RUFY4: variants seen among roughly 807,000 people sequenced by gnomAD.
RUFY4 encodes the protein RUN and FYVE domain containing 4, also known as RUN and FYVE domain-containing protein 4.
RUFY4 carries 73 observed loss-of-function variants against 69.0 expected under a neutral mutation model. The ratio of observed to expected loss-of-function variants is 1.06; its 90% confidence interval spans 0.88 to 1.29. The LOEUF (loss-of-function observed/expected upper bound fraction) is 1.29, where lower values mean the gene tolerates loss of function less well. Among genes scored for constraint, RUFY4 ranks in the 50% most tolerant of loss-of-function variants. The probability of loss-of-function intolerance (pLI) is 0.00; values close to 1 mark genes in which losing one functional copy is unlikely to be tolerated. For missense variants in RUFY4, 770 were observed against 705.6 expected, an observed-to-expected ratio of 1.09 and a Z score of -1.03; for synonymous variants, 287 against 271.8, an observed-to-expected ratio of 1.06 and a Z score of -0.55.
chr2:218,061,100 G>A (rs1574501610), intron 3 of RUFY4: 1 of 554,346 alleles, frequency 1.8e-6, no homozygotes, highest in East Asian at 4.3e-5. Context: ...ATTCATCTTG[G>A]AGGCAGCCAA....
chr2:218,077,669 G>A (rs1436142755), intron 8 of RUFY4, among the ~76,000 whole-genome samples: 1 of 152,180 alleles, frequency 6.6e-6, no homozygotes, highest in African/African-American at 2.4e-5. Flanking sequence ...ACAGACACCA[G>A]TCGGACCCCA....
intron 8 of RUFY4, among the ~76,000 whole-genome samples, chr2:218,077,085 G>A (rs1000120793): frequency 6.6e-6 from 1 of 152,210 alleles, no homozygotes; most frequent in African/African-American, 2.4e-5. Context: ...TTTTATAGAG[G>A]AGGAAGCTGA....
chr2:218,066,154 T>C (rs1394450339), upstream of RUFY4, among the ~76,000 whole-genome samples: 1 of 150,344 alleles, frequency 6.7e-6, no homozygotes, highest in Non-Finnish European at 1.5e-5. Context: ...GATAACAATA[T>C]AGCAACTGTC....
intron 2 of RUFY4, among the ~76,000 whole-genome samples, chr2:218,071,207 C>T (rs1689477794): frequency 6.6e-6 from 1 of 152,200 alleles, no homozygotes; most frequent in South Asian, 2.1e-4. Flanking sequence ...TGAATACTTG[C>T]TATGTGTCAG....
At chr2:218,088,690 G>A (rs759651114) in intron 9 of RUFY4, among the ~76,000 whole-genome samples, 1 of 152,154 alleles carries the variant, frequency 6.6e-6, no homozygotes, top group Non-Finnish European at 1.5e-5. Context: ...TTTGGGCAAA[G>A]AGGAGGCCAG....
At chr2:218,075,238 T>C (rs998848930) in exon 7 of RUFY4, 2 of 1,568,870 alleles carry the variant, frequency 1.3e-6, no homozygotes, top group Admixed American at 1.9e-5. Flanking sequence ...CCTTTCTTTT[T>C]GGAAAAGAAG....
chr2:218,049,959 C>T (rs754834059), intron 2 of RUFY4, among the ~76,000 whole-genome samples: 3 of 152,166 alleles, frequency 2.0e-5, no homozygotes, highest in Non-Finnish European at 4.4e-5. Flanking sequence ...TGAAACCTGA[C>T]CTTCAAATCA....
At chr2:218,061,096 C>A (rs1689177352) in intron 3 of RUFY4, 1 of 562,086 alleles carries the variant, frequency 1.8e-6, no homozygotes, top group Non-Finnish European at 3.5e-6. Flanking sequence ...AGCCATTCAT[C>A]TTGGAGGCAG....
At chr2:218,054,580 G>T (rs1023346367) in intron 2 of RUFY4, among the ~76,000 whole-genome samples, 48 of 150,176 alleles carry the variant, frequency 3.2e-4, no homozygotes, top group African/African-American at 1.2e-3. Context: ...AAAGATCAGT[G>T]GACTAAATAA....
intron 9 of RUFY4, among the ~76,000 whole-genome samples, chr2:218,083,509 G>C (rs939966236): frequency 1.3e-5 from 2 of 152,118 alleles, no homozygotes; most frequent in Non-Finnish European, 2.9e-5. Flanking sequence ...CAGTACTTTA[G>C]AAGGCCAAGG....
At chr2:218,057,133 CTA>C (rs1309347400) in intron 2 of RUFY4, among the ~76,000 whole-genome samples, 1 of 151,720 alleles carries the variant, frequency 6.6e-6, no homozygotes, top group African/African-American at 2.4e-5. Context: ...GCTGTCCTAT[CTA>C]TCAGAGCTTG....
intron 2 of RUFY4, among the ~76,000 whole-genome samples, chr2:218,038,863 CA>C (rs1280535010): frequency 6.6e-6 from 1 of 152,104 alleles, no homozygotes; most frequent in African/African-American, 2.4e-5. Flanking sequence ...GGGTGCCAAG[CA>C]GTGTCTTTCT....
intron 2 of RUFY4, among the ~76,000 whole-genome samples, chr2:218,041,387 C>G (rs974216800): frequency 6.6e-6 from 1 of 152,162 alleles, no homozygotes; most frequent in African/African-American, 2.4e-5. Context: ...AAATTGACAT[C>G]TTAACAGTAT....
At chr2:218,035,560 T>C (rs928411980) in intron 2 of RUFY4, among the ~76,000 whole-genome samples, 3 of 152,154 alleles carry the variant, frequency 2.0e-5, no homozygotes, top group African/African-American at 7.2e-5. Flanking sequence ...CCCACTGCTG[T>C]ACCACTGCCA....
intron 10 of RUFY4, chr2:218,089,632 G>T (rs553178089): frequency 4.3e-4 from 303 of 697,130 alleles, no homozygotes; most frequent in Admixed American, 1.8e-3. Flanking sequence ...CTCTCATCTG[G>T]AAGGGAGCAT....
exon 1 of RUFY4, chr2:218,035,081 C>G (rs1026547632): frequency 6.6e-6 from 1 of 152,396 alleles, no homozygotes; most frequent in Admixed American, 6.5e-5. Flanking sequence ...TCTGCCCCAG[C>G]GCCCTGGATC....
chr2:218,079,676 T>C (rs1689716261), intron 8 of RUFY4, among the ~76,000 whole-genome samples: 2 of 152,066 alleles, frequency 1.3e-5, no homozygotes, highest in South Asian at 4.2e-4. Flanking sequence ...CCCTGATGCC[T>C]GGGAGCCAGG....
intron 2 of RUFY4, among the ~76,000 whole-genome samples, chr2:218,043,742 C>G (rs1485757194): frequency 6.6e-6 from 1 of 152,230 alleles, no homozygotes; most frequent in African/African-American, 2.4e-5. Flanking sequence ...CAGCCCAGCC[C>G]CCAGACTTTG....
At chr2:218,049,325 T>C (rs1688894142) in intron 2 of RUFY4, among the ~76,000 whole-genome samples, 1 of 152,196 alleles carries the variant, frequency 6.6e-6, no homozygotes, top group Non-Finnish European at 1.5e-5. Flanking sequence ...AGTCTCTATG[T>C]CTCCTTCATC....
Sources: gnomAD v4.1 joint callset for allele counts (sites outside exome capture counted in the v4.1 genomes callset) on GRCh38, gnomAD v4.1.1 for gene constraint, MANE v1.5 for transcripts, NCBI Gene and HGNC (gene_info 2026-07-23, HGNC 2026-07-21) for gene names.